WLS: variants seen among roughly 807,000 people sequenced by gnomAD.
WLS encodes Wnt ligand secretion mediator.
Under a neutral mutation model 62.8 loss-of-function variants are expected in WLS, and 23 were observed. The observed-to-expected ratio is 0.37, with a 90% CI of 0.26 to 0.52. The LOEUF is 0.52. Among genes scored for constraint, WLS ranks in the 20% least tolerant of loss-of-function variants. The pLI, the probability that WLS is intolerant of heterozygous loss-of-function variation, is 0.92. For synonymous variants in WLS, 246 were observed against 244.1 expected, an observed-to-expected ratio of 1.01 and a Z score of -0.07; for missense variants, 615 against 697.3, an observed-to-expected ratio of 0.88 and a Z score of 1.33.
At chr1:68,163,066 CTT>C in intron 2 of WLS, 1 of 1,575,568 alleles carries the variant, frequency 6.3e-7, no homozygotes, top group Non-Finnish European at 8.7e-7. Flanking sequence ...TGTCTCTTGA[CTT>C]TGTGCTTATC....
At chr1:68,231,845 C>A (rs1048639612) in intron 1 of WLS, 1 of 356,514 alleles carries the variant, frequency 2.8e-6, no homozygotes, top group African/African-American at 3.5e-5. Context: ...AGGGGGGGAA[C>A]GCGGGAAAAA....
chr1:68,169,711 CCTGT>C (rs1402513910), intron 2 of WLS, among the ~76,000 whole-genome samples: 4 of 152,212 alleles, frequency 2.6e-5, no homozygotes, highest in African/African-American at 9.6e-5. Context: ...CTGCCCTGTT[CCTGT>C]CTAATTTTCA....
Position 68,145,826 on chromosome 1 carries a change from C to G in WLS, c.1278+43G>C, listed in dbSNP as rs368717343. ...GTGTTTACACATCAAGTGGAAAGAT[C>G]AAGCAAGCACCAGTTCCAGAACGAG... On this transcript the variant is annotated intron_variant, in intron 9 of 11. Transcript: ENST00000262348. 25 of 1,610,424 alleles carry G rather than the reference C, an allele frequency of 1.6e-5. No individual in the cohort carries two copies. In the African/African-American group the frequency reaches 3.2e-4, roughly 21 times the overall value.
chr1:68,124,518 T>C (rs1252134347), downstream of WLS, among the ~76,000 whole-genome samples: 1 of 150,338 alleles, frequency 6.7e-6, no homozygotes, highest in Non-Finnish European at 1.5e-5. Flanking sequence ...CTAAAGTCCT[T>C]TTCCTAACCC....
At chr1:68,146,628 G>A (rs980094803) in intron 8 of WLS, among the ~76,000 whole-genome samples, 1 of 152,198 alleles carries the variant, frequency 6.6e-6, no homozygotes, top group Non-Finnish European at 1.5e-5. Flanking sequence ...GGGCTTGAAA[G>A]TCTTAAAGTG....
intron 1 of WLS, among the ~76,000 whole-genome samples, chr1:68,217,086 A>G (rs1214199393): frequency 6.6e-6 from 1 of 152,182 alleles, no homozygotes; most frequent in Non-Finnish European, 1.5e-5. Context: ...CCCCACCCCA[A>G]TTACGTCCCT....
Position 68,155,134 on chromosome 1 carries a change from C to T in WLS, c.631G>A (p.Val211Met), listed in dbSNP as rs778070396. Reference sequence around the variant, plus strand: ...ATATCCTTTATCTCCCCAATTCCCACATTGATTTTCTTCTTCTCATTCACA... The same window carrying T: ...ATATCCTTTATCTCCCCAATTCCCATATTGATTTTCTTCTTCTCATTCACA... ...LPVNEKKKIN[V>M]GIGEIKDIRL... The change falls in exon 4 of 12, where the codon GTG (valine) becomes ATG (methionine). Residue 211 changes from valine (V) to methionine (M), a missense_variant. Transcript: ENST00000262348. 4 of 1,613,990 alleles carry T rather than the reference C, an allele frequency of 2.5e-6. No homozygotes were observed. The South Asian group carries it at 3.3e-5, about 13-fold the overall frequency.
intron 2 of WLS, among the ~76,000 whole-genome samples, chr1:68,185,394 G>A (rs2100579795): frequency 6.6e-6 from 1 of 152,278 alleles, no homozygotes; most frequent in South Asian, 2.1e-4. Context: ...TAAGGCATGT[G>A]GTATGGCAGG....
intron 1 of WLS, among the ~76,000 whole-genome samples, chr1:68,220,708 C>T (rs10493436): frequency 1.3e-5 from 2 of 151,924 alleles, no homozygotes; most frequent in Admixed American, 6.6e-5. Flanking sequence ...ATTTTTATAG[C>T]GTGACTATTT....
At chr1:68,136,109 G>A (rs2820487) in intron 11 of WLS, among the ~76,000 whole-genome samples, 3,644 of 152,242 alleles carry the variant, frequency 0.024, 146 homozygotes, top group African/African-American at 0.084. Flanking sequence ...GGCAAATACA[G>A]GATGAAGACA....
chr1:68,121,959 C>CA (rs1328549377), downstream of WLS, among the ~76,000 whole-genome samples: 1 of 152,146 alleles, frequency 6.6e-6, no homozygotes, highest in Non-Finnish European at 1.5e-5. Context: ...CCTTGTCCAC[C>CA]AAAAACCTTC....
At chr1:68,148,312 G>A in intron 7 of WLS, 113 bp from the exon 8 acceptor site, 1 of 1,154,850 alleles carries the variant, frequency 8.7e-7, no homozygotes, top group Non-Finnish European at 1.3e-6. Flanking sequence ...CTGTATTTAG[G>A]CTAAAAAACA....
intron 11 of WLS, 147 bp downstream of exon 11, chr1:68,137,633 G>A (rs1173101254): frequency 4.9e-6 from 4 of 824,040 alleles, no homozygotes; most frequent in African/African-American, 3.4e-5. Context: ...TGAGTCCCCT[G>A]GGTGCTCATT....
At chr1:68,121,583 A>C (rs570206026), downstream of WLS, among the ~76,000 whole-genome samples, 1 of 152,292 alleles carries the variant, frequency 6.6e-6, no homozygotes, top group Non-Finnish European at 1.5e-5. Context: ...TCAAAACATG[A>C]TGGAGAGACA....
chr1:68,122,697 G>A (rs1320969762), downstream of WLS, among the ~76,000 whole-genome samples: 1 of 152,084 alleles, frequency 6.6e-6, no homozygotes, highest in Non-Finnish European at 1.5e-5. Context: ...TTTTCTCTAG[G>A]TTGATGGTCC....
chr1:68,107,524 T>C (rs1646164284), intron 11 of WLS, among the ~76,000 whole-genome samples: 1 of 152,208 alleles, frequency 6.6e-6, no homozygotes, highest in South Asian at 2.1e-4. Flanking sequence ...TATCCTCATC[T>C]GCAATATGAG....
At chr1:68,151,523 T>G (rs1044395254) in intron 5 of WLS, among the ~76,000 whole-genome samples, 1 of 151,982 alleles carries the variant, frequency 6.6e-6, no homozygotes, top group Non-Finnish European at 1.5e-5. Context: ...AAAGCAAGGA[T>G]TGTGCTCTTG....
intron 11 of WLS, among the ~76,000 whole-genome samples, chr1:68,135,749 A>G (rs1222015223): frequency 6.6e-6 from 1 of 152,210 alleles, no homozygotes; most frequent in Non-Finnish European, 1.5e-5. Flanking sequence ...TGTCCCCCAC[A>G]GGATGACCAT....
At chr1:68,117,073 T>TCCTCCCTC (rs893692798) in intron 11 of WLS, among the ~76,000 whole-genome samples, 5 of 151,706 alleles carry the variant, frequency 3.3e-5, no homozygotes, top group African/African-American at 1.2e-4. Flanking sequence ...TCAATTTCCT[T>TCCTCCCTC]CCTCCCTCCC....
Sources: gnomAD v4.1 joint callset for allele counts (sites outside exome capture counted in the v4.1 genomes callset) on GRCh38, gnomAD v4.1.1 for gene constraint, MANE v1.5 for transcripts, NCBI Gene and HGNC (gene_info 2026-07-23, HGNC 2026-07-21) for gene names.